The following UBA6 variants were observed in gnomAD, a reference collection of about 807,000 sequenced individuals.
The protein encoded by UBA6 is ubiquitin-like modifier-activating enzyme 6.
UBA6 carries 87 observed loss-of-function variants against 148.3 expected under a neutral mutation model. The observed-to-expected ratio is 0.59, with a 90% CI of 0.49 to 0.70. The LOEUF (loss-of-function observed/expected upper bound fraction) is 0.70, where lower values mean the gene tolerates loss of function less well. Among genes scored for constraint, UBA6 ranks in the 30% least tolerant of loss-of-function variants. The probability of loss-of-function intolerance (pLI) is 0.00; values close to 1 mark genes in which losing one functional copy is unlikely to be tolerated. For missense variants in UBA6, 1,186 were observed against 1,241.2 expected, an observed-to-expected ratio of 0.96 and a Z score of 0.67; for synonymous variants, 376 against 401.0, an observed-to-expected ratio of 0.94 and a Z score of 0.75.
At chr4:67,663,386 C>T in intron 11 of UBA6, 171 bp from the exon 12 acceptor site, 1 of 503,808 alleles carries the variant, frequency 2.0e-6, no homozygotes, top group Non-Finnish European at 3.6e-6. Context: ...AGTTAAATGA[C>T]TTAACCTCAA....
intron 2 of UBA6, among the ~76,000 whole-genome samples, chr4:67,688,296 GTCCTAAATTGGGAC>G (rs1256629492): frequency 6.6e-6 from 1 of 152,138 alleles, no homozygotes; most frequent in Non-Finnish European, 1.5e-5. Flanking sequence ...CAAGCCTGGA[GTCCTAAATTGGGAC>G]TCATTCATTT....
chr4:67,619,274 T>G, intron 32 of UBA6, 142 bp from the exon 33 acceptor site: 1 of 655,100 alleles, frequency 1.5e-6, no homozygotes, highest in South Asian at 2.0e-5. Context: ...ATATTCATTT[T>G]TCTTTACTAA....
At position 67,635,529 on chromosome 4, in the gene UBA6, A is replaced by G; in HGVS notation, c.1766T>C (p.Leu589Ser). 6.2e-7 allele frequency: 1 copy of G among 1,612,854 alleles called. No individual in the cohort carries two copies. The highest frequency in any genetic ancestry group is 8.5e-7 in the Non-Finnish European group (1 of 1,179,040). The change falls in exon 20 of 33, where the codon TTA (leucine) becomes TCA (serine). Residue 589 changes from leucine (L) to serine (S), a missense_variant. By Grantham distance (145) the Leu-to-Ser change is moderately radical. Transcript: ENST00000322244. Reference protein sequence around the residue: ...SRCLANLRPLLDSGTMGTKGH... With the variant: ...SRCLANLRPLSDSGTMGTKGH... ...CTTAGTGCCCATTGTTCCAGAATCT[A>G]AAAGAGGCCTTAGATTTGCTAAGCA...
intron 26 of UBA6, 97 bp from the exon 27 acceptor site, chr4:67,629,239 T>A: frequency 1.3e-6 from 1 of 754,764 alleles, no homozygotes; most frequent in Admixed American, 2.1e-5. Context: ...TTACAATATA[T>A]GAATATTTCA....
At chr4:67,689,076 C>A (rs972526138) in intron 2 of UBA6, among the ~76,000 whole-genome samples, 1 of 152,046 alleles carries the variant, frequency 6.6e-6, no homozygotes, top group East Asian at 1.9e-4. Context: ...ACCCATACAA[C>A]CGTTCTGATT....
At position 67,649,212 on chromosome 4, in the gene UBA6, C is replaced by G; in HGVS notation, c.1105-1G>C. The G allele has an allele frequency of 6.2e-7, 1 of 1,602,876 alleles. No homozygotes were observed. Among genetic ancestry groups the G allele is most frequent in the South Asian group, 1.1e-5 (1 of 88,064 alleles). ...GCACAATGTCAGCATTTACATCAGG[C>G]TAAAACAAAAGCCATAAAAGACAAT... On this transcript the variant is annotated splice_acceptor_variant, in intron 13 of 32. Transcript: ENST00000322244. LOFTEE classifies it high-confidence loss of function.
intron 13 of UBA6, among the ~76,000 whole-genome samples, chr4:67,650,613 A>G (rs753157423): frequency 4.6e-5 from 7 of 152,204 alleles, no homozygotes; most frequent in Non-Finnish European, 1.0e-4. Context: ...AATTACTTGT[A>G]AGTAGAAAGA....
At chr4:67,642,021 A>G (rs1161428601) in intron 17 of UBA6, among the ~76,000 whole-genome samples, 1 of 152,044 alleles carries the variant, frequency 6.6e-6, no homozygotes, top group Non-Finnish European at 1.5e-5. Flanking sequence ...TATTTCCCTG[A>G]TATTTTTAAT....
intron 2 of UBA6, among the ~76,000 whole-genome samples, chr4:67,694,215 C>CAAAAAAAAAAAAAAAAAAA (rs769649769): frequency 1.2e-4 from 5 of 41,874 alleles, no homozygotes; most frequent in Non-Finnish European, 1.6e-4. Context: ...GACTCCATCT[C>CAAAAAAAAAAAAAAAAAAA]AAAAAAAAAA....
At chr4:67,684,110 C>T (rs1165386599) in intron 2 of UBA6, among the ~76,000 whole-genome samples, 1 of 152,046 alleles carries the variant, frequency 6.6e-6, no homozygotes, top group Non-Finnish European at 1.5e-5. Flanking sequence ...GCCCCCAGCC[C>T]AAAATCAAAG....
intron 23 of UBA6, among the ~76,000 whole-genome samples, chr4:67,632,621 G>T (rs1729025732): frequency 6.6e-6 from 1 of 152,314 alleles, no homozygotes; most frequent in South Asian, 2.1e-4. Context: ...ACTGGGTAAA[G>T]AAGTGGTAAC....
chr4:67,687,041 T>G (rs1489241841), intron 2 of UBA6, among the ~76,000 whole-genome samples: 6 of 145,302 alleles, frequency 4.1e-5, no homozygotes, highest in Admixed American at 1.4e-4. Flanking sequence ...TATGTTTTTT[T>G]TTTTTTTTTT....
chr4:67,682,842 A>T (rs762983030), intron 2 of UBA6, among the ~76,000 whole-genome samples: 14 of 152,358 alleles, frequency 9.2e-5, no homozygotes, highest in Admixed American at 5.2e-4. Context: ...AATTCCAATG[A>T]ATTCTTATGA....
rs1292445693 is a variant in UBA6 at position 67,618,041 on chromosome 4, A to AC, written c.*955_*956insG. The AC allele has an allele frequency of 2.7e-5, 4 of 150,688 alleles. No individual in the cohort carries two copies. Among genetic ancestry groups the AC allele is most frequent in the African/African-American group, 9.7e-5 (4 of 41,166 alleles). 9.3% of individuals were successfully genotyped at this position (150,688 alleles called of 1,614,324 possible). A position where few individuals can be genotyped will look rare whatever the true frequency, so the allele number is the denominator to read the frequency against. Reference sequence around the variant, plus strand: ...ATAACATGCTTCTGTTTAAAAAAAAAAAACAAAAAAAACACAAAATTTAAT... The same window carrying AC: ...ATAACATGCTTCTGTTTAAAAAAAAACAAACAAAAAAAACACAAAATTTAAT... On this transcript the variant is annotated 3_prime_UTR_variant, in exon 33 of 33. Transcript: ENST00000322244.
chr4:67,634,544 T>C, intron 20 of UBA6, 26 bp from the exon 21 acceptor site: 2 of 1,501,414 alleles, frequency 1.3e-6, no homozygotes, highest in East Asian at 2.3e-5. Flanking sequence ...TGACAACAGG[T>C]ACTTAAGGGG....
intron 6 of UBA6, among the ~76,000 whole-genome samples, chr4:67,675,363 C>A (rs1013014783): frequency 1.3e-5 from 2 of 152,104 alleles, no homozygotes; most frequent in African/African-American, 4.8e-5. Flanking sequence ...TATTTAATCC[C>A]TTCTTTTACG....
chr4:67,661,312 T>C (rs57333794), intron 13 of UBA6, among the ~76,000 whole-genome samples: 3,053 of 152,276 alleles, frequency 0.02, 71 homozygotes, highest in East Asian at 0.1. Flanking sequence ...CTTGAATTGT[T>C]ATCCCCATAA....
chr4:67,679,596 T>C (rs1261517843), intron 4 of UBA6, among the ~76,000 whole-genome samples: 2 of 152,026 alleles, frequency 1.3e-5, no homozygotes, highest in African/African-American at 4.8e-5. Flanking sequence ...AATATTGGAA[T>C]TGGTATTCTG....
intron 2 of UBA6, among the ~76,000 whole-genome samples, chr4:67,694,149 G>C (rs1730767750): frequency 6.8e-6 from 1 of 147,034 alleles, no homozygotes; most frequent in African/African-American, 2.5e-5. Flanking sequence ...CCAAGAGGCG[G>C]AGGTTGCCAT....
Sources: allele counts gnomAD v4.1 joint callset (sites outside exome capture counted in the v4.1 genomes callset), GRCh38; gene constraint gnomAD v4.1.1; transcripts MANE v1.5; gene names NCBI Gene and HGNC (gene_info 2026-07-23, HGNC 2026-07-21).